Variants in DLG2 observed in about 807,000 individuals in gnomAD.
The protein encoded by DLG2 is disks large homolog 2.
A neutral mutation model predicts 132.5 loss-of-function variants in DLG2; 45 were observed. That is an observed-to-expected ratio of 0.34 (90% CI 0.27 to 0.44). The LOEUF (loss-of-function observed/expected upper bound fraction) is 0.44. Among genes scored for constraint, DLG2 ranks in the 20% least tolerant of loss-of-function variants. The pLI is 1.00. For synonymous variants in DLG2, 424 were observed against 419.6 expected (o/e 1.01, Z -0.13); for missense variants, 1,045 against 1,196.9 (o/e 0.87, Z 1.87).
chr11:85,430,385 A>G (rs1370089478), intron 3 of DLG2, among the ~76,000 whole-genome samples: 1 of 152,166 alleles, frequency 6.6e-6, no homozygotes, highest in African/African-American at 2.4e-5. Context: ...AAAAATTTAC[A>G]TGATTGAAAT....
Position 83,883,758 on chromosome 11 carries a change from C to T in DLG2, c.1497-9270G>A, listed in dbSNP as rs142929034. Among the ~76,000 whole-genome samples the T allele has an allele frequency of 1.8e-3, 264 of 150,454 alleles. 2 individuals are homozygous for T. The highest frequency in any genetic ancestry group is 3.4e-3 in the African/African-American group (141 of 40,942). ...CTAGGCTTTTGTAGTATAAAAGCTG[C>T]ATCTCAGAAAGCAATAAGGCACTTA... On this transcript the variant is annotated intron_variant, in intron 15 of 27. Transcript: ENST00000376104.
At chr11:84,698,234 C>T (rs1032227423) in intron 6 of DLG2, among the ~76,000 whole-genome samples, 13 of 131,876 alleles carry the variant, frequency 9.9e-5, no homozygotes, top group African/African-American at 1.4e-4. Context: ...CCATCTGATC[C>T]GAACTTTAAA....
intron 18 of DLG2, among the ~76,000 whole-genome samples, chr11:83,633,920 T>C (rs1273929516): frequency 6.6e-6 from 1 of 151,176 alleles, no homozygotes; most frequent in Non-Finnish European, 1.5e-5. Flanking sequence ...TGCATGTGAA[T>C]CTATAATTAC....
At chr11:83,605,007 C>CAGAGAGAGAAAGAGAGAGAGAG (rs2059120941) in intron 19 of DLG2, among the ~76,000 whole-genome samples, 1 of 129,834 alleles carries the variant, frequency 7.7e-6, no homozygotes, top group Admixed American at 7.5e-5. Context: ...TTTTCAAAGA[C>CAGAGAGAGAAAGAGAGAGAGAG]AGAGAGAGAG....
At chr11:84,400,762 T>C (rs142094304) in intron 7 of DLG2, among the ~76,000 whole-genome samples, 174 of 152,306 alleles carry the variant, frequency 1.1e-3, no homozygotes, top group African/African-American at 3.9e-3. Context: ...GATTTAGACA[T>C]TGCTTTTTTT....
At chr11:85,564,806 C>T (rs2077440106) in intron 3 of DLG2, among the ~76,000 whole-genome samples, 1 of 151,940 alleles carries the variant, frequency 6.6e-6, no homozygotes, top group South Asian at 2.1e-4. Flanking sequence ...GTTGACATTG[C>T]ATAGAATTTA....
chr11:83,485,256 T>C (rs905499235), intron 21 of DLG2, among the ~76,000 whole-genome samples: 5 of 152,168 alleles, frequency 3.3e-5, no homozygotes, highest in Admixed American at 2.0e-4. Flanking sequence ...GTGGATATCA[T>C]GTGCTTACCT....
intron 18 of DLG2, among the ~76,000 whole-genome samples, chr11:83,696,815 A>T (rs1381459597): frequency 1.3e-5 from 2 of 152,260 alleles, no homozygotes; most frequent in African/African-American, 4.8e-5. Context: ...CTTCGTAGTC[A>T]CAAATGGAAG....
At position 85,011,703 on chromosome 11, in the gene DLG2, G is replaced by A. The variant is rs530936517; in HGVS notation, c.357+99958C>T. ...TTTTTCACTTCATGGTTTTCAAACA[G>A]ATTTCACTTAATGCAGTTCAAGTTT... On this transcript the variant is annotated intron_variant, in intron 6 of 27. Coordinates refer to ENST00000376104, the MANE Select transcript of DLG2 (RefSeq NM_001142699.3). 2.0e-5 allele frequency among the ~76,000 whole-genome samples: 3 copies of A among 152,178 alleles called. No individual in the cohort carries two copies. The East Asian group carries it at 5.8e-4, about 29-fold the overall frequency.
At chr11:84,072,166 T>C (rs2096767483) in intron 10 of DLG2, among the ~76,000 whole-genome samples, 1 of 152,218 alleles carries the variant, frequency 6.6e-6, no homozygotes, top group Non-Finnish European at 1.5e-5. Context: ...ATAAATTGAA[T>C]CCACCTGCCT....
rs114408067 is a variant in DLG2, at chr11:84,326,653, T to A, written c.520-75362A>T. On this transcript the variant is annotated intron_variant, in intron 7 of 27. Transcript: ENST00000376104. ...TTGAGACCTAATATGTCATCTATCCTGGAAAATGTTCCATGTGCGCTTCAG... is the reference window on the plus strand; with the variant it reads ...TTGAGACCTAATATGTCATCTATCCAGGAAAATGTTCCATGTGCGCTTCAG... 6.6e-3 allele frequency among the ~76,000 whole-genome samples: 999 copies of A among 152,322 alleles called. 16 individuals carry two copies. Among genetic ancestry groups the A allele is most frequent in the African/African-American group, 0.023 (956 of 41,570 alleles).
At chr11:85,459,978 G>A (rs1302747120) in intron 3 of DLG2, among the ~76,000 whole-genome samples, 1 of 152,164 alleles carries the variant, frequency 6.6e-6, no homozygotes, top group Non-Finnish European at 1.5e-5. Context: ...TAAGTACTCT[G>A]CAGAGCCTGA....
Position 85,611,607 on chromosome 11 carries a change from A to G in DLG2, c.-92-12819T>C, listed in dbSNP as rs561548896. On this transcript the variant is annotated intron_variant, in intron 2 of 27. Transcript: ENST00000376104. ...TGAAAGTAAACCTCTTCCCCCAGGGACCAGTGCCCAGTTAGCAGAACTAGT... is the reference window on the plus strand; with the variant it reads ...TGAAAGTAAACCTCTTCCCCCAGGGGCCAGTGCCCAGTTAGCAGAACTAGT... Among the ~76,000 whole-genome samples the G allele has an allele frequency of 2.6e-5, 4 of 152,356 alleles. No individual in the cohort carries two copies. In the South Asian group the frequency reaches 6.2e-4, roughly 24 times the overall value.
At chr11:83,852,964 A>G in intron 16 of DLG2, among the ~76,000 whole-genome samples, 1 of 152,204 alleles carries the variant, frequency 6.6e-6, no homozygotes. Context: ...TGGCATTCTT[A>G]AAGTTATTCA....
At chr11:83,528,872 T>C (rs960332866) in intron 21 of DLG2, among the ~76,000 whole-genome samples, 1 of 152,166 alleles carries the variant, frequency 6.6e-6, no homozygotes, top group Non-Finnish European at 1.5e-5. Context: ...TCGGTGTTAT[T>C]GCAATCAATG....
chr11:84,107,554 A>T (rs570625437), intron 9 of DLG2, among the ~76,000 whole-genome samples: 2 of 152,190 alleles, frequency 1.3e-5, no homozygotes, highest in Admixed American at 6.5e-5. Context: ...GCACATACAC[A>T]CACATTATAC....
chr11:85,002,135 G>A (rs1185042805), intron 6 of DLG2, among the ~76,000 whole-genome samples: 1 of 152,024 alleles, frequency 6.6e-6, no homozygotes, highest in African/African-American at 2.4e-5. Context: ...ATATCTACTT[G>A]CTTCATCCTG....
chr11:83,548,022 G>A (rs2096282534), intron 19 of DLG2, among the ~76,000 whole-genome samples: 1 of 152,160 alleles, frequency 6.6e-6, no homozygotes, highest in African/African-American at 2.4e-5. Flanking sequence ...TGGAAATCTG[G>A]ACTTGGAGAA....
At chr11:83,889,717 C>T (rs1316438978) in intron 15 of DLG2, among the ~76,000 whole-genome samples, 3 of 151,880 alleles carry the variant, frequency 2.0e-5, no homozygotes, top group Non-Finnish European at 4.4e-5. Context: ...CCCAAATGTC[C>T]AACAATGATA....
Sources: allele counts gnomAD v4.1 joint callset (sites outside exome capture counted in the v4.1 genomes callset), GRCh38; gene constraint gnomAD v4.1.1; transcripts MANE v1.5; gene names NCBI Gene and HGNC (gene_info 2026-07-23, HGNC 2026-07-21).